PHF2: variants seen among roughly 807,000 people sequenced by gnomAD.
The protein encoded by PHF2 is PHD finger protein 2.
A neutral mutation model predicts 120.5 loss-of-function variants in PHF2; 27 were observed. That is an observed-to-expected ratio of 0.22 (90% CI 0.17 to 0.31). PHF2 has a LOEUF of 0.31. PHF2 is among the 10% of genes least tolerant of loss of function. PHF2 has a pLI of 1.00. For missense variants in PHF2, 1,024 were observed against 1,434.8 expected, an observed-to-expected ratio of 0.71 and a Z score of 4.63; for synonymous variants, 568 against 592.5, an observed-to-expected ratio of 0.96 and a Z score of 0.60.
intron 1 of PHF2, among the ~76,000 whole-genome samples, chr9:93,589,048 T>C (rs1379072459): frequency 6.6e-6 from 1 of 152,206 alleles, no homozygotes; most frequent in East Asian, 1.9e-4. Context: ...GAGAGGGACC[T>C]TGGAGGCAGC....
chr9:93,623,882 C>T (rs373620441), intron 1 of PHF2, among the ~76,000 whole-genome samples: 46 of 152,336 alleles, frequency 3.0e-4, no homozygotes, highest in African/African-American at 8.7e-4. Flanking sequence ...ACAGAACACT[C>T]GTCTAGGGCC....
At chr9:93,626,095 T>G (rs1390484414) in intron 1 of PHF2, among the ~76,000 whole-genome samples, 1 of 151,926 alleles carries the variant, frequency 6.6e-6, no homozygotes, top group African/African-American at 2.4e-5. Flanking sequence ...ATACAAAAAT[T>G]AGCCAGGCGT....
intron 13 of PHF2, 52 bp downstream of exon 13, chr9:93,663,078 T>C: frequency 6.2e-7 from 1 of 1,609,266 alleles, no homozygotes; most frequent in Non-Finnish European, 8.5e-7. Context: ...TTGGTGAGTG[T>C]GAGCAGAGGT....
At chr9:93,595,696 A>ATG (rs1564374902) in intron 1 of PHF2, among the ~76,000 whole-genome samples, 1 of 152,246 alleles carries the variant, frequency 6.6e-6, no homozygotes, top group African/African-American at 2.4e-5. Flanking sequence ...CACTGGGCAT[A>ATG]TGTGTGTATA....
intron 1 of PHF2, among the ~76,000 whole-genome samples, chr9:93,622,519 C>A (rs1011174050): frequency 1.3e-5 from 2 of 152,134 alleles, no homozygotes; most frequent in African/African-American, 2.4e-5. Flanking sequence ...GTCAGGGCAA[C>A]GTCTGTGAGA....
chr9:93,647,087 C>T (rs988843660), intron 4 of PHF2, among the ~76,000 whole-genome samples: 19 of 152,210 alleles, frequency 1.2e-4, no homozygotes, highest in African/African-American at 2.2e-4. Context: ...TTCTGTCTTG[C>T]TGCACAATGC....
At chr9:93,583,071 T>C (rs1862964130) in intron 1 of PHF2, among the ~76,000 whole-genome samples, 2 of 152,206 alleles carry the variant, frequency 1.3e-5, no homozygotes, top group Admixed American at 1.3e-4. Flanking sequence ...CCTTTCTTCC[T>C]CCCACTAGCC....
At chr9:93,645,916 G>A (rs1826250587) in intron 4 of PHF2, 127 bp downstream of exon 4, 1 of 1,060,804 alleles carries the variant, frequency 9.4e-7, no homozygotes, top group Non-Finnish European at 1.3e-6. Flanking sequence ...GGAGCCTCAA[G>A]GCTCACCGTA....
Position 93,667,184 on chromosome 9 carries a change from C to T in PHF2, c.2292C>T (p.Ile764=). 6.2e-7 allele frequency: 1 copy of T among 1,612,898 alleles called. No individual in the cohort carries two copies. Among genetic ancestry groups the T allele is most frequent in the Non-Finnish European group, 8.5e-7 (1 of 1,179,916 alleles). Residue 764 remains isoleucine, a synonymous_variant, in exon 17 of 22, where the codon ATC becomes ATT. Coordinates refer to ENST00000359246, the MANE Select transcript of PHF2 (RefSeq NM_005392.4). ...KKESGSSAAG[I]LDLLQASEEV... ...AGAGTGGGAGCTCGGCAGCTGGCAT[C>T]TTGGACCTGCTGCAGGCCAGTGAGG...
At position 93,643,360 on chromosome 9, in the gene PHF2, TGG is replaced by T. The variant is rs563802321; in HGVS notation, c.300-2268_300-2267del. On this transcript the variant is annotated intron_variant, in intron 3 of 21. Coordinates refer to ENST00000359246, the MANE Select transcript of PHF2 (RefSeq NM_005392.4). ...GACAATTTTCTGCCTGTGGCCCAGG[TGG>T]ATGGGAGGCCTTCCCTGTTGCTTTC... 1.4e-3 allele frequency among the ~76,000 whole-genome samples: 207 copies of T among 152,344 alleles called. 1 individual carries two copies. The highest frequency in any genetic ancestry group is 2.5e-3 in the South Asian group (12 of 4,828).
At chr9:93,588,687 C>T (rs1201833531) in intron 1 of PHF2, among the ~76,000 whole-genome samples, 1 of 152,076 alleles carries the variant, frequency 6.6e-6, no homozygotes, top group African/African-American at 2.4e-5. Flanking sequence ...GTCAGGAGTT[C>T]GAGACCAGCC....
At position 93,676,980 on chromosome 9, in the gene PHF2, A is replaced by G; in HGVS notation, c.3202+17A>G. On this transcript the variant is annotated intron_variant, in intron 21 of 21. Transcript: ENST00000359246. ...CTGCCAAAGGTACTGTGCCTGCTGG[A>G]GGGAGCCTGCAGCCCCCCTGCCCTG... is the stretch of plus-strand genomic sequence containing the variant. 6.6e-7 allele frequency: 1 copy of G among 1,512,962 alleles called. No homozygotes were observed. Among genetic ancestry groups the G allele is most frequent in the Non-Finnish European group, 8.9e-7 (1 of 1,126,006 alleles). The allele number at this position is 1,512,962 out of a possible 1,614,324, so 93.7% of individuals were successfully genotyped here.
chr9:93,662,064 T>C (rs979490964), intron 12 of PHF2, among the ~76,000 whole-genome samples: 1 of 150,510 alleles, frequency 6.6e-6, no homozygotes, highest in Non-Finnish European at 1.5e-5. Context: ...GATGAGTGGA[T>C]GGATGGTTGG....
intron 1 of PHF2, among the ~76,000 whole-genome samples, chr9:93,623,674 C>G (rs1038024376): frequency 6.6e-6 from 1 of 152,176 alleles, no homozygotes; most frequent in Non-Finnish European, 1.5e-5. Flanking sequence ...ACTTTGCACC[C>G]TGAGAGCAGA....
chr9:93,657,309 T>G (rs1271104903), intron 9 of PHF2, among the ~76,000 whole-genome samples: 1 of 152,120 alleles, frequency 6.6e-6, no homozygotes, highest in African/African-American at 2.4e-5. Context: ...TGGCCCTAGT[T>G]TGAGAAGGTA....
intron 1 of PHF2, among the ~76,000 whole-genome samples, chr9:93,626,069 C>T (rs1229101551): frequency 1.3e-5 from 2 of 151,958 alleles, no homozygotes; most frequent in South Asian, 2.1e-4. Flanking sequence ...AAGGTGAAAC[C>T]CCATCTCTAC....
At chr9:93,675,101 C>A in intron 19 of PHF2, 79 bp downstream of exon 19, 1 of 1,169,398 alleles carries the variant, frequency 8.6e-7, no homozygotes, top group South Asian at 1.2e-5. Flanking sequence ...CCCTCCAGCC[C>A]CTGAGAATGT....
intron 2 of PHF2, among the ~76,000 whole-genome samples, chr9:93,631,688 T>C (rs759656428): frequency 6.6e-6 from 1 of 151,956 alleles, no homozygotes; most frequent in Non-Finnish European, 1.5e-5. Flanking sequence ...AGTGGGGACC[T>C]GGGGCTGCCC....
intron 1 of PHF2, among the ~76,000 whole-genome samples, chr9:93,618,370 C>G (rs576179688): frequency 6.6e-6 from 1 of 152,364 alleles, no homozygotes; most frequent in African/African-American, 2.4e-5. Flanking sequence ...GACAGATGCA[C>G]ACAGACATGG....
Sources: allele counts gnomAD v4.1 joint callset (sites outside exome capture counted in the v4.1 genomes callset), GRCh38; gene constraint gnomAD v4.1.1; transcripts MANE v1.5; gene names NCBI Gene and HGNC (gene_info 2026-07-23, HGNC 2026-07-21).